The following CDH11 variants were observed in gnomAD, a reference collection of about 807,000 sequenced individuals.
CDH11 encodes the protein cadherin 11, also known as cadherin-11.
In CDH11, 11 loss-of-function variants were observed where a neutral mutation model predicts 67.8. The ratio of observed to expected loss-of-function variants is 0.16; its 90% CI spans 0.10 to 0.27. The LOEUF is 0.27. Among genes scored for constraint, CDH11 ranks in the 10% least tolerant of loss-of-function variants. CDH11 has a pLI of 1.00. For synonymous variants in CDH11, 419 were observed against 400.0 expected (o/e 1.05, Z -0.57); for missense variants, 847 against 1,031.2 (o/e 0.82, Z 2.45).
At chr16:65,048,319 G>A (rs965107259) in intron 2 of CDH11, among the ~76,000 whole-genome samples, 6 of 152,128 alleles carry the variant, frequency 3.9e-5, no homozygotes, top group Non-Finnish European at 8.8e-5. Flanking sequence ...CACAACCTTC[G>A]TGAAAACAGT....
chr16:64,947,848 C>T lies in CDH11; in HGVS notation c.2146G>A (p.Asp716Asn). 3.7e-6 allele frequency: 6 copies of T among 1,614,144 alleles called. No homozygotes were observed. The highest frequency in any genetic ancestry group is 1.1e-5 in the South Asian group (1 of 91,072). ...CTCGTGTTGATGAAGTCATCGACAT[C>T]CACGCTGTTGGGCGCTGGCCGGAGC... The part of the protein sequence containing the change: ...PGLRPAPNSV[D>N]VDDFINTRIQ... Residue 716 changes from aspartate to asparagine, a missense_variant, in exon 13 of 13, where the codon GAT (aspartate) becomes AAT (asparagine). Transcript: ENST00000268603.
chr16:65,024,454 A>G (rs951802366), intron 2 of CDH11, among the ~76,000 whole-genome samples: 5 of 152,184 alleles, frequency 3.3e-5, no homozygotes, highest in African/African-American at 1.2e-4. Flanking sequence ...GTGTGATTCC[A>G]TTGTACATCC....
At chr16:65,006,370 G>C (rs1374513392) in intron 2 of CDH11, among the ~76,000 whole-genome samples, 1 of 152,186 alleles carries the variant, frequency 6.6e-6, no homozygotes, top group Non-Finnish European at 1.5e-5. Context: ...TGGGTGAAAT[G>C]GTTCAGGGAA....
At chr16:64,999,766 C>A (rs2072872263) in intron 3 of CDH11, among the ~76,000 whole-genome samples, 1 of 152,118 alleles carries the variant, frequency 6.6e-6, no homozygotes, top group Non-Finnish European at 1.5e-5. Context: ...AACCCCTGAC[C>A]TCAAGTGATC....
intron 7 of CDH11, chr16:64,987,696 A>G (rs557150548): frequency 4.5e-4 from 68 of 152,808 alleles, no homozygotes; most frequent in Middle Eastern, 6.8e-3. Flanking sequence ...ACTTGAGATA[A>G]AAACAAGTAG....
In CDH11 at chr16:64,971,684, T is replaced by C. The variant is rs1567498761; in HGVS notation, c.1537A>G (p.Ile513Val). The C allele has an allele frequency of 2.5e-6, 4 of 1,608,042 alleles. No individual in the cohort carries two copies. Among genetic ancestry groups the C allele is most frequent in the Non-Finnish European group, 3.4e-6 (4 of 1,174,802 alleles). ...GTGTCATCCTTGTCATCTGCACTAA[T>C]TGTAACAATTGGCTGAAAGAGAAAG... is the stretch of plus-strand genomic sequence containing the variant. ...KPLSNQPIVT[I>V]SADDKDDTAN... Residue 513 changes from isoleucine (I) to valine (V), a missense_variant, in exon 11 of 13, where the codon ATT (isoleucine) becomes GTT (valine). Physicochemically the swap from Ile to Val is conservative, Grantham distance 29. Transcript: ENST00000268603.
intron 1 of CDH11, among the ~76,000 whole-genome samples, chr16:65,117,008 TAAC>T (rs1158630659): frequency 1.3e-5 from 2 of 152,188 alleles, no homozygotes; most frequent in Non-Finnish European, 2.9e-5. Context: ...TTAAACCAAA[TAAC>T]AATGAAATTT....
intron 2 of CDH11, among the ~76,000 whole-genome samples, chr16:65,046,970 G>A (rs1025362971): frequency 2.6e-5 from 4 of 152,064 alleles, no homozygotes; most frequent in Non-Finnish European, 5.9e-5. Context: ...TTAGCCAGCC[G>A]TGGTGGCATA....
In CDH11 at chr16:65,053,829, G is replaced by A. The variant is rs769558329; in HGVS notation, c.-198C>T. 1 of 455,996 alleles carries A rather than the reference G, an allele frequency of 2.2e-6. No homozygotes were observed. Among genetic ancestry groups the A allele is most frequent in the Non-Finnish European group, 4.4e-6 (1 of 226,776 alleles). 28.2% of individuals were successfully genotyped at this position (455,996 alleles called of 1,614,324 possible). ...CTTCTTCACCCATTGGATACTTGCT[G>A]CCAATTTCTGTAACACACTCCACCC... On this transcript the variant is annotated 5_prime_UTR_variant, in exon 2 of 13. It introduces an in-frame stop codon into an upstream open reading frame of the 5' UTR. Coordinates refer to ENST00000268603, the MANE Select transcript of CDH11 (RefSeq NM_001797.4).
At chr16:64,979,973 C>G (rs1038677351) in intron 8 of CDH11, among the ~76,000 whole-genome samples, 9 of 152,114 alleles carry the variant, frequency 5.9e-5, no homozygotes, top group African/African-American at 2.2e-4. Flanking sequence ...TACATAAGAC[C>G]ACATGTTGTA....
rs868859508 is a variant in CDH11 at position 64,973,035 on chromosome 16, G to A, written c.1259C>T (p.Ser420Phe). The A allele has an allele frequency of 6.2e-7, 1 of 1,613,266 alleles. No homozygotes were observed. The highest frequency in any genetic ancestry group is 8.5e-7 in the Non-Finnish European group (1 of 1,179,684). Residue 420 changes from serine (S) to phenylalanine (F), a missense_variant, in exon 9 of 13, where the codon TCC becomes TTC. By Grantham distance (155) the Ser-to-Phe change is radical (BLOSUM62 -2). Coordinates refer to ENST00000268603, the MANE Select transcript of CDH11 (RefSeq NM_001797.4). ...GTCGAGGTCAGTGTGACGATCGATG[G>A]AATACCTAAGCAGAATGCAAATGAG... ...PDAANSPIRYSIDRHTDLDRF... is the reference protein window; with the variant it reads ...PDAANSPIRYFIDRHTDLDRF...
At chr16:65,038,510 A>G (rs536005711) in intron 2 of CDH11, among the ~76,000 whole-genome samples, 3 of 152,186 alleles carry the variant, frequency 2.0e-5, no homozygotes, top group Non-Finnish European at 2.9e-5. Flanking sequence ...TGCAACTTAC[A>G]ATAGAAATGT....
chr16:65,118,697 A>C (rs760364990), intron 1 of CDH11: 3 of 152,216 alleles, frequency 2.0e-5, no homozygotes, highest in Admixed American at 6.5e-5. Flanking sequence ...GGAAAAAAAA[A>C]CTTGAAAGTT....
At chr16:65,071,497 T>C (rs898522881) in intron 1 of CDH11, among the ~76,000 whole-genome samples, 1 of 152,092 alleles carries the variant, frequency 6.6e-6, no homozygotes, top group Admixed American at 6.5e-5. Flanking sequence ...AGGGGTTACG[T>C]AGTGGCTCTC....
At chr16:65,111,907 T>G (rs1408035274) in intron 1 of CDH11, among the ~76,000 whole-genome samples, 1 of 151,650 alleles carries the variant, frequency 6.6e-6, no homozygotes, top group African/African-American at 2.4e-5. Flanking sequence ...CCGTCTCTAC[T>G]AAAAATACAA....
At chr16:64,973,764 C>T (rs1028156944) in intron 8 of CDH11, among the ~76,000 whole-genome samples, 1 of 152,038 alleles carries the variant, frequency 6.6e-6, no homozygotes, top group African/African-American at 2.4e-5. Flanking sequence ...CAAGATCATG[C>T]CACTGCACTC....
At chr16:64,983,401 G>C (rs1414607995) in intron 7 of CDH11, among the ~76,000 whole-genome samples, 1 of 152,158 alleles carries the variant, frequency 6.6e-6, no homozygotes, top group Non-Finnish European at 1.5e-5. Flanking sequence ...TTTCTAATTA[G>C]TGCTCTGGAT....
upstream of CDH11, chr16:65,122,148 G>GGGGGGGGGGGGGGGGGGGGGGGGGGGGGT: frequency 3.1e-6 from 1 of 323,844 alleles, no homozygotes; most frequent in East Asian, 1.1e-4. Context: ...GGGGGGGCGG[G>GGGGGGGGGGGGGGGGGGGGGGGGGGGGGT]AGGAGGGAGG....
chr16:65,051,523 G>T (rs989729826), intron 2 of CDH11, among the ~76,000 whole-genome samples: 1 of 152,164 alleles, frequency 6.6e-6, no homozygotes, highest in Non-Finnish European at 1.5e-5. Context: ...AAAAGTTATA[G>T]CACTATGGCC....
Sources: gnomAD v4.1 joint callset for allele counts (sites outside exome capture counted in the v4.1 genomes callset) on GRCh38, gnomAD v4.1.1 for gene constraint, MANE v1.5 for transcripts, NCBI Gene and HGNC (gene_info 2026-07-23, HGNC 2026-07-21) for gene names.